Variants in SORCS1 observed in about 807,000 individuals in gnomAD.
SORCS1 encodes sortilin related VPS10 domain containing receptor 1.
SORCS1 carries 60 observed loss-of-function variants against 146.1 expected under a neutral mutation model. The ratio of observed to expected loss-of-function variants is 0.41; its 90% confidence interval spans 0.33 to 0.51. The LOEUF (loss-of-function observed/expected upper bound fraction) is 0.51, where lower values mean the gene tolerates loss of function less well. SORCS1 is among the 20% of genes least tolerant of loss of function. The pLI, the probability that SORCS1 is intolerant of heterozygous loss-of-function variation, is 0.21. For missense variants in SORCS1, 1,352 were observed against 1,487.6 expected, an observed-to-expected ratio of 0.91 and a Z score of 1.50; for synonymous variants, 637 against 584.0, an observed-to-expected ratio of 1.09 and a Z score of -1.31.
intron 1 of SORCS1, among the ~76,000 whole-genome samples, chr10:107,101,007 T>C (rs908735250): frequency 6.6e-6 from 1 of 152,144 alleles, no homozygotes; most frequent in Non-Finnish European, 1.5e-5. Context: ...AGATCCTCCC[T>C]CCTCAGCCTC....
intron 1 of SORCS1, among the ~76,000 whole-genome samples, chr10:107,148,943 T>C (rs945262575): frequency 1.7e-4 from 26 of 152,262 alleles, no homozygotes; most frequent in African/African-American, 6.0e-4. Flanking sequence ...CTAAACTGAT[T>C]CTCTACTACC....
At chr10:106,764,632 T>G (rs889829603) in intron 4 of SORCS1, among the ~76,000 whole-genome samples, 4 of 151,830 alleles carry the variant, frequency 2.6e-5, no homozygotes, top group African/African-American at 9.7e-5. Context: ...ATGCCAAGCT[T>G]AGAGAAAGAT....
chr10:106,657,241 TG>T (rs1850365499), intron 17 of SORCS1, among the ~76,000 whole-genome samples: 1 of 152,160 alleles, frequency 6.6e-6, no homozygotes, highest in Non-Finnish European at 1.5e-5. Context: ...AAAGGAAATG[TG>T]GTGTACATAC....
intron 1 of SORCS1, among the ~76,000 whole-genome samples, chr10:106,983,353 G>A (rs1956321503): frequency 6.6e-6 from 1 of 150,880 alleles, no homozygotes; most frequent in African/African-American, 2.4e-5. Flanking sequence ...ATAATATTCT[G>A]ATATATATAT....
chr10:107,113,566 T>C (rs1590168059), intron 1 of SORCS1, among the ~76,000 whole-genome samples: 1 of 151,688 alleles, frequency 6.6e-6, no homozygotes, highest in African/African-American at 2.4e-5. Context: ...GGTGCGTGCC[T>C]GTAGTCCCAG....
At chr10:106,879,907 A>G (rs1351647314) in intron 2 of SORCS1, among the ~76,000 whole-genome samples, 1 of 152,240 alleles carries the variant, frequency 6.6e-6, no homozygotes, top group Admixed American at 6.5e-5. Context: ...TGAAACCCTA[A>G]GCAGTGAGCA....
At chr10:106,628,227 C>A (rs1275971046) in intron 19 of SORCS1, among the ~76,000 whole-genome samples, 1 of 152,180 alleles carries the variant, frequency 6.6e-6, no homozygotes, top group East Asian at 1.9e-4. Flanking sequence ...AACCAAAACA[C>A]CTTTTTGTCA....
Position 106,575,869 on chromosome 10 carries a change from T to G in SORCS1, c.*1551A>C, listed in dbSNP as rs146178625. 1.3e-5 allele frequency: 2 copies of G among 152,650 alleles called. No homozygotes were observed. The highest frequency in any genetic ancestry group is 1.5e-5 in the Non-Finnish European group (1 of 68,040). The allele number at this position is 152,650 out of a possible 1,614,324, so 9.5% of individuals were successfully genotyped here. A position where few individuals can be genotyped will look rare whatever the true frequency, so the allele number is the denominator to read the frequency against. ...AAATCAGTTTTATTTCACAAACATT[T>G]CTATTCTACTGTGAGAGTGGAAATA... On this transcript the variant is annotated 3_prime_UTR_variant, in exon 26 of 26. Coordinates refer to ENST00000263054, the MANE Select transcript of SORCS1 (RefSeq NM_052918.5).
At chr10:106,964,182 T>C (rs1291114987) in intron 1 of SORCS1, among the ~76,000 whole-genome samples, 1 of 152,178 alleles carries the variant, frequency 6.6e-6, no homozygotes, top group Non-Finnish European at 1.5e-5. Flanking sequence ...CCCAACACAA[T>C]ATCAGAATAC....
chr10:106,642,433 T>G (rs935973137), intron 18 of SORCS1, among the ~76,000 whole-genome samples: 2 of 152,166 alleles, frequency 1.3e-5, no homozygotes, highest in African/African-American at 4.8e-5. Flanking sequence ...CATCAGAAGA[T>G]CCCTGTTTTT....
At chr10:106,639,792 C>T (rs1382590532) in intron 18 of SORCS1, among the ~76,000 whole-genome samples, 1 of 152,064 alleles carries the variant, frequency 6.6e-6, no homozygotes, top group Non-Finnish European at 1.5e-5. Flanking sequence ...GAAACTGATA[C>T]CTGCCTCACG....
intron 10 of SORCS1, among the ~76,000 whole-genome samples, chr10:106,681,365 AG>A (rs1852421591): frequency 6.6e-6 from 1 of 152,222 alleles, no homozygotes; most frequent in Non-Finnish European, 1.5e-5. Context: ...TATCTATTTC[AG>A]GTACATACAA....
At chr10:106,936,649 T>A (rs1162837580) in intron 2 of SORCS1, among the ~76,000 whole-genome samples, 4 of 152,218 alleles carry the variant, frequency 2.6e-5, no homozygotes. Flanking sequence ...GTTCAGGAAT[T>A]TCCTGAACTC....
At position 106,818,014 on chromosome 10, in the gene SORCS1, G is replaced by A. The variant is rs1023158868; in HGVS notation, c.726+11560C>T. Among the ~76,000 whole-genome samples the A allele has an allele frequency of 4.6e-5, 7 of 152,180 alleles. No individual in the cohort carries two copies. In the South Asian group the frequency reaches 1.0e-3, roughly 23 times the overall value. The stretch of plus-strand genomic sequence containing the variant: ...CCTTATATTATTTAATTGCATTCCT[G>A]AGCTGGGATGGTAAACTCCGTAAGA... On this transcript the variant is annotated intron_variant, in intron 3 of 25. Transcript: ENST00000263054.
Position 106,679,313 on chromosome 10 carries a change from C to G in SORCS1, c.1683G>C (p.Leu561Phe). Residue 561 changes from leucine to phenylalanine, a missense_variant, in exon 12 of 26, where the codon TTG becomes TTC. Coordinates refer to ENST00000263054, the MANE Select transcript of SORCS1 (RefSeq NM_052918.5). The part of the protein sequence containing the change: ...IVASGNIGSE[L>F]SDTDISMFVS... ...CAAACATGCTGATGTCAGTGTCTGACAATTCAGAACCTATATTACCTAGAA... is the reference window on the plus strand; with the variant it reads ...CAAACATGCTGATGTCAGTGTCTGAGAATTCAGAACCTATATTACCTAGAA... The G allele has an allele frequency of 6.2e-7, 1 of 1,613,054 alleles. No individual in the cohort carries two copies. The highest frequency in any genetic ancestry group is 8.5e-7 in the Non-Finnish European group (1 of 1,179,392).
intron 8 of SORCS1, among the ~76,000 whole-genome samples, chr10:106,701,372 C>T (rs1854127278): frequency 6.6e-6 from 1 of 152,082 alleles, no homozygotes; most frequent in Non-Finnish European, 1.5e-5. Context: ...CAGAATATTC[C>T]ATTTCTCTGG....
chr10:106,897,092 A>G lies in SORCS1; in HGVS notation c.626+59421T>C, dbSNP rs571905298. On this transcript the variant is annotated intron_variant, in intron 2 of 25. Transcript: ENST00000263054. ...ATTTTTTTAGTAGAGACGGGGTTTC[A>G]CTGTGGTCTTGATCTCCTGACCTCG... 1.4e-4 allele frequency among the ~76,000 whole-genome samples: 21 copies of G among 152,022 alleles called. No individual in the cohort carries two copies. In the South Asian group the frequency reaches 4.0e-3, roughly 29 times the overall value.
intron 3 of SORCS1, among the ~76,000 whole-genome samples, chr10:106,819,450 A>G (rs550727599): frequency 6.6e-6 from 1 of 152,316 alleles, no homozygotes; most frequent in South Asian, 2.1e-4. Flanking sequence ...TCAAATAACA[A>G]AGTGTATCTC....
chr10:107,064,579 A>G (rs1447006146), intron 1 of SORCS1, among the ~76,000 whole-genome samples: 2 of 152,192 alleles, frequency 1.3e-5, no homozygotes, highest in Non-Finnish European at 2.9e-5. Flanking sequence ...CTGCATTTAT[A>G]TGCTGGAGTT....
Sources: allele counts gnomAD v4.1 joint callset (sites outside exome capture counted in the v4.1 genomes callset), GRCh38; gene constraint gnomAD v4.1.1; transcripts MANE v1.5; gene names NCBI Gene and HGNC (gene_info 2026-07-23, HGNC 2026-07-21).